Variants in SHROOM3 observed in about 807,000 individuals in gnomAD.
SHROOM3 encodes the protein shroom family member 3.
Under a neutral mutation model 138.6 loss-of-function variants are expected in SHROOM3, and 47 were observed. That is an observed-to-expected ratio of 0.34 (90% confidence interval 0.27 to 0.43). The LOEUF is 0.43. Ranked by LOEUF, SHROOM3 falls within the 20% of genes least tolerant of loss-of-function variation. The pLI is 1.00. For synonymous variants in SHROOM3, 1,062 were observed against 1,063.3 expected (o/e 1.00, Z 0.02); for missense variants, 2,491 against 2,596.5 (o/e 0.96, Z 0.88).
rs541539654 is a variant in SHROOM3 at position 76,779,225 on chromosome 4, A to G, written c.*48A>G. On this transcript the variant is annotated 3_prime_UTR_variant, in exon 11 of 11. Coordinates refer to ENST00000296043, the MANE Select transcript of SHROOM3 (RefSeq NM_020859.4). ...AAAGATCACTGTTTCTCTCAACACT[A>G]TTTAATCTGAAAAATGTTTCAGTAC... 6.5e-7 allele frequency: 1 copy of G among 1,543,120 alleles called. No homozygotes were observed. Among genetic ancestry groups the G allele is most frequent in the Non-Finnish European group, 8.7e-7 (1 of 1,147,406 alleles).
intron 2 of SHROOM3, among the ~76,000 whole-genome samples, chr4:76,618,782 G>GAACAAC (rs1577922958): frequency 6.6e-6 from 1 of 152,108 alleles, no homozygotes; most frequent in East Asian, 1.9e-4. Flanking sequence ...TTTCTGTTTT[G>GAACAAC]TTAGTTGACT....
chr4:76,522,081 A>G (rs1179885920), intron 1 of SHROOM3, among the ~76,000 whole-genome samples: 2 of 151,908 alleles, frequency 1.3e-5, no homozygotes, highest in Non-Finnish European at 2.9e-5. Flanking sequence ...AAAAATAAGA[A>G]AAAAAGGCAG....
chr4:76,446,534 G>A (rs1015625320), intron 1 of SHROOM3, among the ~76,000 whole-genome samples: 1 of 152,004 alleles, frequency 6.6e-6, no homozygotes, highest in Non-Finnish European at 1.5e-5. Context: ...TGACCACTCT[G>A]GTTGTTTGGG....
chr4:76,478,250 T>A (rs1454629758), intron 1 of SHROOM3, among the ~76,000 whole-genome samples: 2 of 152,150 alleles, frequency 1.3e-5, no homozygotes, highest in South Asian at 4.1e-4. Flanking sequence ...GCTGCTAGCA[T>A]AGCAGTCTGA....
intron 1 of SHROOM3, among the ~76,000 whole-genome samples, chr4:76,540,981 C>T (rs916709712): frequency 6.6e-6 from 1 of 152,108 alleles, no homozygotes; most frequent in Admixed American, 6.5e-5. Context: ...GTGGACTTAC[C>T]TTATATACTT....
intron 2 of SHROOM3, among the ~76,000 whole-genome samples, chr4:76,679,892 A>G (rs1158038030): frequency 6.6e-6 from 1 of 152,170 alleles, no homozygotes; most frequent in Non-Finnish European, 1.5e-5. Context: ...ATTCTGGGCC[A>G]TCATTACTCA....
At chr4:76,538,780 T>A (rs1176058186) in intron 1 of SHROOM3, among the ~76,000 whole-genome samples, 2 of 152,210 alleles carry the variant, frequency 1.3e-5, no homozygotes, top group Non-Finnish European at 2.9e-5. Flanking sequence ...CTGCAGATGC[T>A]CCCAAACATG....
At position 76,561,686 on chromosome 4, in the gene SHROOM3, T is replaced by TTAA. The variant is rs754842252; in HGVS notation, c.323+5923_323+5924insTAA. Among the ~76,000 whole-genome samples, 6 of 89,374 alleles carry TTAA rather than the reference T, an allele frequency of 6.7e-5. No individual in the cohort carries two copies. In the South Asian group the frequency reaches 2.3e-3, roughly 34 times the overall value. The allele number at this position is 89,374 out of a possible 152,430, so 58.6% of individuals were successfully genotyped here. ...CTCCTTTTAGAAATATCTGTGATGC[T>TTAA]AAAAAAAAAAAAAAAAAAAAAGAGA... On this transcript the variant is annotated intron_variant, in intron 2 of 10. Coordinates refer to ENST00000296043, the MANE Select transcript of SHROOM3 (RefSeq NM_020859.4).
chr4:76,593,621 G>T (rs1304689110), intron 2 of SHROOM3, among the ~76,000 whole-genome samples: 5 of 152,172 alleles, frequency 3.3e-5, no homozygotes, highest in Non-Finnish European at 5.9e-5. Context: ...AGTAAGCAAA[G>T]TAAACTCTTT....
At chr4:76,574,637 G>A (rs1290837678) in intron 2 of SHROOM3, among the ~76,000 whole-genome samples, 1 of 152,100 alleles carries the variant, frequency 6.6e-6, no homozygotes, top group African/African-American at 2.4e-5. Flanking sequence ...GAAATGTATA[G>A]CCTTAAAAGC....
chr4:76,735,857 AAAAAAAAAAAAATATATAT>A (rs1286878077), intron 4 of SHROOM3, among the ~76,000 whole-genome samples: 39 of 44,004 alleles, frequency 8.9e-4, no homozygotes, highest in East Asian at 4.0e-3. Flanking sequence ...AAAAAAAAAA[AAAAAAAAAAAAATATATAT>A]ATATATATAT....
At chr4:76,563,493 C>T (rs537231951) in intron 2 of SHROOM3, among the ~76,000 whole-genome samples, 2 of 152,254 alleles carry the variant, frequency 1.3e-5, no homozygotes, top group East Asian at 1.9e-4. Context: ...AGAGGAAGCT[C>T]GGATTGCAGG....
intron 1 of SHROOM3, among the ~76,000 whole-genome samples, chr4:76,526,243 T>C (rs934686394): frequency 6.6e-6 from 1 of 152,158 alleles, no homozygotes; most frequent in Non-Finnish European, 1.5e-5. Flanking sequence ...GGCAGGTGCC[T>C]GTAATCCCAG....
intron 2 of SHROOM3, among the ~76,000 whole-genome samples, chr4:76,704,654 C>T (rs940120280): frequency 6.6e-6 from 1 of 152,186 alleles, no homozygotes; most frequent in Non-Finnish European, 1.5e-5. Context: ...GCCACGTCAC[C>T]AGAGACCTTG....
chr4:76,758,900 G>C (rs113476043), intron 8 of SHROOM3, among the ~76,000 whole-genome samples: 133 of 152,272 alleles, frequency 8.7e-4, no homozygotes, highest in African/African-American at 3.2e-3. Flanking sequence ...AGAACTACTA[G>C]ATAGCAGGTT....
chr4:76,553,021 T>G (rs527648178), intron 1 of SHROOM3, among the ~76,000 whole-genome samples: 21 of 152,336 alleles, frequency 1.4e-4, no homozygotes, highest in African/African-American at 4.3e-4. Context: ...CCCATTAACT[T>G]AAGCATCAGA....
At chr4:76,494,159 ATTT>A (rs5859517) in intron 1 of SHROOM3, among the ~76,000 whole-genome samples, 1 of 144,052 alleles carries the variant, frequency 6.9e-6, no homozygotes. Flanking sequence ...CCCCAGATTG[ATTT>A]TTTTTTTTTT....
At chr4:76,725,169 C>G (rs1208363144) in intron 3 of SHROOM3, among the ~76,000 whole-genome samples, 1 of 151,222 alleles carries the variant, frequency 6.6e-6, no homozygotes, top group African/African-American at 2.4e-5. Context: ...CAAAATCATC[C>G]TGTCATCTTG....
chr4:76,730,722 T>G, intron 3 of SHROOM3, 82 bp from the exon 4 acceptor site: 1 of 1,596,716 alleles, frequency 6.3e-7, no homozygotes. Flanking sequence ...AGTCTTCGCT[T>G]CCAAATCCAC....
Sources: allele counts gnomAD v4.1 joint callset (sites outside exome capture counted in the v4.1 genomes callset), GRCh38; gene constraint gnomAD v4.1.1; transcripts MANE v1.5; gene names NCBI Gene and HGNC (gene_info 2026-07-23, HGNC 2026-07-21).